Variants in PIK3CB observed in about 807,000 individuals in gnomAD.
PIK3CB encodes phosphatidylinositol-4,5-bisphosphate 3-kinase catalytic subunit beta.
A neutral mutation model predicts 136.8 loss-of-function variants in PIK3CB; 39 were observed. The ratio of observed to expected loss-of-function variants is 0.29; its 90% CI spans 0.22 to 0.37. The LOEUF (loss-of-function observed/expected upper bound fraction) is 0.37, where lower values mean the gene tolerates loss of function less well. Ranked by LOEUF, PIK3CB falls within the 10% of genes least tolerant of loss-of-function variation. The pLI is 1.00. For synonymous variants in PIK3CB, 428 were observed against 436.6 expected (o/e 0.98, Z 0.25); for missense variants, 868 against 1,275.4 (o/e 0.68, Z 4.87).
intron 23 of PIK3CB, among the ~76,000 whole-genome samples, 185 bp from the exon 24 acceptor site, chr3:138,655,711 T>G (rs2043179847): frequency 6.6e-6 from 1 of 152,140 alleles, no homozygotes; most frequent in African/African-American, 2.4e-5. Flanking sequence ...TATGACTTCT[T>G]CCAAAAGGTT....
intron 1 of PIK3CB, among the ~76,000 whole-genome samples, chr3:138,809,574 C>A (rs2046270889): frequency 6.9e-6 from 1 of 144,790 alleles, no homozygotes; most frequent in Admixed American, 7.1e-5. Context: ...CCATTGCACT[C>A]CAGCCTGGGG....
intron 12 of PIK3CB, among the ~76,000 whole-genome samples, chr3:138,701,709 C>T (rs1022090909): frequency 1.1e-4 from 16 of 148,522 alleles, no homozygotes; most frequent in Admixed American, 3.4e-4. Context: ...CGCTTGAACC[C>T]GGGGTGGCAG....
chr3:138,786,381 G>A (rs2045981931), intron 2 of PIK3CB, among the ~76,000 whole-genome samples: 1 of 151,926 alleles, frequency 6.6e-6, no homozygotes. Context: ...TTAAGATGGA[G>A]TCTTGTTCTT....
chr3:138,813,711 C>CTTA (rs1411498268), intron 1 of PIK3CB, among the ~76,000 whole-genome samples: 65 of 151,766 alleles, frequency 4.3e-4, no homozygotes, highest in African/African-American at 1.5e-3. Context: ...GCCACCGCGC[C>CTTA]CAGCCGATTA....
chr3:138,726,871 G>T (rs1308630065), intron 8 of PIK3CB, among the ~76,000 whole-genome samples: 1 of 140,732 alleles, frequency 7.1e-6, no homozygotes, highest in African/African-American at 2.6e-5. Flanking sequence ...GTGAAATCTC[G>T]TCTCTATAAA....
At chr3:138,775,153 C>T (rs1450526620) in intron 2 of PIK3CB, among the ~76,000 whole-genome samples, 2 of 152,222 alleles carry the variant, frequency 1.3e-5, no homozygotes, top group Non-Finnish European at 2.9e-5. Context: ...GATGCCAAGT[C>T]TTCTTTCACT....
chr3:138,764,705 G>C (rs1414792351), intron 2 of PIK3CB, among the ~76,000 whole-genome samples: 1 of 152,106 alleles, frequency 6.6e-6, no homozygotes, highest in Non-Finnish European at 1.5e-5. Context: ...TGAATCACAG[G>C]TACTTGCCAG....
At chr3:138,770,669 AAG>A (rs1447029498) in intron 2 of PIK3CB, 1 of 152,128 alleles carries the variant, frequency 6.6e-6, no homozygotes, top group Non-Finnish European at 1.5e-5. Flanking sequence ...GGAAAAAAAA[AAG>A]AATTCTTTTT....
At chr3:138,761,399 T>TG (rs1467195227) in intron 2 of PIK3CB, among the ~76,000 whole-genome samples, 3 of 152,198 alleles carry the variant, frequency 2.0e-5, no homozygotes, top group African/African-American at 7.2e-5. Context: ...AAGAAGATGG[T>TG]GGAAGGACTG....
At chr3:138,737,954 A>G in intron 5 of PIK3CB, 68 bp from the exon 6 acceptor site, 1 of 917,840 alleles carries the variant, frequency 1.1e-6, no homozygotes, top group Non-Finnish European at 1.6e-6. Context: ...TCACATTACA[A>G]TCATTATGTA....
chr3:138,658,316 G>A (rs961443092), intron 21 of PIK3CB, among the ~76,000 whole-genome samples: 4 of 151,996 alleles, frequency 2.6e-5, no homozygotes. Flanking sequence ...CAGGCATAGT[G>A]GCACACACCT....
At chr3:138,791,303 C>T (rs560133949) in intron 2 of PIK3CB, among the ~76,000 whole-genome samples, 3 of 152,090 alleles carry the variant, frequency 2.0e-5, no homozygotes, top group Non-Finnish European at 2.9e-5. Flanking sequence ...CCACCACGCC[C>T]GACTGATTTT....
intron 19 of PIK3CB, among the ~76,000 whole-genome samples, chr3:138,679,030 C>T (rs1251372302): frequency 6.6e-6 from 1 of 152,106 alleles, no homozygotes; most frequent in African/African-American, 2.4e-5. Context: ...CCTGCCACTA[C>T]ACTCCAGCCT....
At chr3:138,744,025 TTC>T (rs1188498373) in intron 4 of PIK3CB, among the ~76,000 whole-genome samples, 1 of 152,154 alleles carries the variant, frequency 6.6e-6, no homozygotes, top group East Asian at 1.9e-4. Context: ...TCCAGCACTC[TTC>T]TGATTAGAAA....
intron 3 of PIK3CB, among the ~76,000 whole-genome samples, chr3:138,757,636 G>T (rs1350948960): frequency 6.9e-6 from 1 of 145,764 alleles, no homozygotes; most frequent in Non-Finnish European, 1.5e-5. Context: ...GAGAGGGGAG[G>T]GGAAGGGAGG....
chr3:138,664,262 C>A (rs927788195), intron 20 of PIK3CB, among the ~76,000 whole-genome samples: 1 of 151,916 alleles, frequency 6.6e-6, no homozygotes, highest in African/African-American at 2.4e-5. Context: ...GATATTCAAA[C>A]GTCCTGGGAG....
intron 1 of PIK3CB, among the ~76,000 whole-genome samples, chr3:138,806,150 ATCAGTGGTTTATTTATTAAATCT>A (rs2046231920): frequency 6.6e-6 from 1 of 152,098 alleles, no homozygotes; most frequent in Admixed American, 6.6e-5. Context: ...TTATACACAT[ATCAGTGGTTTATTTATTAAATCT>A]TCAGTGATTT....
At chr3:138,657,045 G>T (rs138891179) in intron 22 of PIK3CB, among the ~76,000 whole-genome samples, 155 of 152,230 alleles carry the variant, frequency 1.0e-3, no homozygotes, top group African/African-American at 3.3e-3. Context: ...GAGATTACAG[G>T]CATGACCTAC....
rs745822811 is a variant in PIK3CB at position 138,707,214 on chromosome 3, T to C, written c.1475A>G (p.His492Arg). Residue 492 changes from histidine to arginine, a missense_variant, in exon 11 of 24, where the codon CAT becomes CGT. His to Arg is a conservative substitution (Grantham distance 29). This residue lies in a region of PIK3CB where 612 missense variants were observed against 801.1 expected (regional missense o/e 0.76). Transcript: ENST00000674063. ...NPYTENATAL[H>R]VKFPENKKQP... ...TTTTTTATTCTCTGGAAATTTAACA[T>C]GCAAAGCTGTTGCATTTTCAGTATA... is the stretch of plus-strand genomic sequence containing the variant. The C allele has an allele frequency of 1.2e-5, 20 of 1,613,132 alleles. No homozygotes were observed. The highest frequency in any genetic ancestry group is 1.7e-5 in the Non-Finnish European group (20 of 1,179,390).
Sources: allele counts gnomAD v4.1 joint callset (sites outside exome capture counted in the v4.1 genomes callset), GRCh38; gene constraint gnomAD v4.1.1; regional missense constraint gnomAD v4.1.1; transcripts MANE v1.5; gene names NCBI Gene and HGNC (gene_info 2026-07-23, HGNC 2026-07-21).